Variants in QTGAL observed in about 807,000 individuals in gnomAD.
QTGAL encodes the protein BGnT-like protein 1.
chr17:82,962,836 T>G, the QTGAL span, among the ~76,000 whole-genome samples: 1 of 152,166 alleles, frequency 6.6e-6, no homozygotes, highest in African/African-American at 2.4e-5. Context: ...AGTGAGAATT[T>G]AGTCAACAGC....
At chr17:83,030,403 G>C in the QTGAL span, among the ~76,000 whole-genome samples, 1 of 152,228 alleles carries the variant, frequency 6.6e-6, no homozygotes, top group Admixed American at 6.5e-5. Flanking sequence ...AGCGGAGAAG[G>C]AGGCAAAGGG....
At chr17:82,970,440 G>C in the QTGAL span, among the ~76,000 whole-genome samples, 1 of 152,200 alleles carries the variant, frequency 6.6e-6, no homozygotes, top group Non-Finnish European at 1.5e-5. Context: ...CTGGCAGGTT[G>C]ACTCTGCAGC....
chr17:82,970,068 C>T, the QTGAL span, among the ~76,000 whole-genome samples: 1 of 152,218 alleles, frequency 6.6e-6, no homozygotes, highest in African/African-American at 2.4e-5. Context: ...TATGGGATAA[C>T]TTCGAGCAAC....
chr17:83,026,240 C>G, the QTGAL span, among the ~76,000 whole-genome samples: 2 of 152,178 alleles, frequency 1.3e-5, no homozygotes, highest in African/African-American at 2.4e-5. Context: ...TCGCAGGCAT[C>G]ACTCTTCCGT....
At chr17:83,041,816 T>C in the QTGAL span, among the ~76,000 whole-genome samples, 1 of 152,248 alleles carries the variant, frequency 6.6e-6, no homozygotes, top group African/African-American at 2.4e-5. Context: ...TCTGTATTCA[T>C]AGTGCTCAAA....
At chr17:83,043,578 C>G in the QTGAL span, among the ~76,000 whole-genome samples, 1 of 151,806 alleles carries the variant, frequency 6.6e-6, no homozygotes, top group African/African-American at 2.4e-5. Flanking sequence ...GGTCTAAAAT[C>G]AAGAACCTAA....
chr17:82,959,413 T>C, the QTGAL span, among the ~76,000 whole-genome samples: 28 of 151,824 alleles, frequency 1.8e-4, no homozygotes, highest in East Asian at 3.7e-3. Flanking sequence ...GTGTATACTT[T>C]CGTGCACGTA....
the QTGAL span, among the ~76,000 whole-genome samples, chr17:83,017,563 A>C: frequency 3.0e-4 from 46 of 152,210 alleles, no homozygotes; most frequent in African/African-American, 1.0e-3. Context: ...TGGAGGCTGC[A>C]GTGAGCTGAG....
At chr17:83,029,587 G>A in the QTGAL span, among the ~76,000 whole-genome samples, 1 of 152,154 alleles carries the variant, frequency 6.6e-6, no homozygotes. Flanking sequence ...CAGGTGTGGA[G>A]TCCTAATTAG....
the QTGAL span, among the ~76,000 whole-genome samples, chr17:83,033,350 G>A: frequency 5.3e-5 from 8 of 151,914 alleles, no homozygotes; most frequent in African/African-American, 9.7e-5. Context: ...TATCCAAATC[G>A]TTCTCAGAGA....
chr17:83,012,933 GACA>G, the QTGAL span, among the ~76,000 whole-genome samples: 169 of 151,358 alleles, frequency 1.1e-3, 1 homozygote, highest in African/African-American at 3.9e-3. Context: ...CGTCCCACCC[GACA>G]AGCAGACACT....
chr17:83,021,046 A>G, the QTGAL span, among the ~76,000 whole-genome samples: 1 of 152,236 alleles, frequency 6.6e-6, no homozygotes, highest in Non-Finnish European at 1.5e-5. Flanking sequence ...TGTGCCCTAC[A>G]TGAATATTTG....
At chr17:83,035,708 TG>T in the QTGAL span, among the ~76,000 whole-genome samples, 1 of 152,186 alleles carries the variant, frequency 6.6e-6, no homozygotes, top group African/African-American at 2.4e-5. Context: ...AGCTAAGTCC[TG>T]GGAATATTTT....
chr17:83,024,542 T>G, the QTGAL span, among the ~76,000 whole-genome samples: 7 of 152,240 alleles, frequency 4.6e-5, no homozygotes, highest in Non-Finnish European at 7.3e-5. Context: ...TAAACATCTG[T>G]GTCCTGTGTA....
chr17:82,998,964 A>C, the QTGAL span, among the ~76,000 whole-genome samples: 1 of 5,650 alleles, frequency 1.8e-4, no homozygotes, highest in African/African-American at 2.7e-3. Flanking sequence ...AGCTAAAATT[A>C]AAAAAAAAAA....
the QTGAL span, among the ~76,000 whole-genome samples, chr17:82,995,927 A>G: frequency 1.3e-5 from 2 of 152,192 alleles, 1 homozygote; most frequent in Non-Finnish European, 2.9e-5. Context: ...GGAGTGAAAG[A>G]TCTCTACGAT....
At chr17:82,991,217 G>A in the QTGAL span, among the ~76,000 whole-genome samples, 1 of 152,184 alleles carries the variant, frequency 6.6e-6, no homozygotes, top group Admixed American at 6.5e-5. Context: ...TCCATGGGCG[G>A]GGAGTGGGGA....
chr17:83,038,566 A>G, the QTGAL span, among the ~76,000 whole-genome samples: 3 of 152,256 alleles, frequency 2.0e-5, no homozygotes, highest in Non-Finnish European at 2.9e-5. Context: ...CTTTAACTTA[A>G]AAGAATATTA....
At chr17:83,013,844 C>G in the QTGAL span, among the ~76,000 whole-genome samples, 4 of 152,198 alleles carry the variant, frequency 2.6e-5, no homozygotes, top group African/African-American at 9.6e-5. Context: ...TCTTCTAAAA[C>G]TTGAGCGAGA....
Sources: gnomAD v4.1 joint callset for allele counts (sites outside exome capture counted in the v4.1 genomes callset) on GRCh38, gnomAD v4.1.1 for gene constraint, MANE v1.5 for transcripts, NCBI Gene and HGNC (gene_info 2026-07-23, HGNC 2026-07-21) for gene names.